The following STAT4 variants were observed in gnomAD, a reference collection of about 807,000 sequenced individuals.
STAT4 encodes signal transducer and activator of transcription 4.
A neutral mutation model predicts 110.5 loss-of-function variants in STAT4; 42 were observed. The ratio of observed to expected loss-of-function variants is 0.38; its 90% CI spans 0.30 to 0.49. The LOEUF (loss-of-function observed/expected upper bound fraction) is 0.49. Among genes scored for constraint, STAT4 ranks in the 20% least tolerant of loss-of-function variants. The probability of loss-of-function intolerance (pLI) is 0.95; values close to 1 mark genes in which losing one functional copy is unlikely to be tolerated. For synonymous variants in STAT4, 284 were observed against 302.2 expected (o/e 0.94, Z 0.63); for missense variants, 632 against 887.9 (o/e 0.71, Z 3.66).
chr2:191,029,638 T>A lies in STAT4; in HGVS notation c.*202A>T, dbSNP rs1695829165. 3.6e-6 allele frequency: 2 copies of A among 559,472 alleles called. No individual in the cohort carries two copies. The highest frequency in any genetic ancestry group is 6.2e-6 in the Non-Finnish European group (2 of 321,930). The allele number at this position is 559,472 out of a possible 1,614,324, so 34.7% of individuals were successfully genotyped here. On this transcript the variant is annotated 3_prime_UTR_variant, in exon 24 of 24. Coordinates refer to ENST00000392320, the MANE Select transcript of STAT4 (RefSeq NM_003151.4). This position sits in a 1 kb window ranked among gnomAD's most constrained non-coding sequence, Gnocchi z 4.5. ...AGTTGTCTTATCTTGCAAGTTTATC[T>A]GAAGCTTTGGTTTCAAGCATTTCAG...
rs1196961290 is a variant in STAT4, at chr2:191,104,671, C to T, written c.274-28346G>A. Among the ~76,000 whole-genome samples the T allele has an allele frequency of 6.6e-6, 1 of 152,132 alleles. No homozygotes were observed. Among genetic ancestry groups the T allele is most frequent in the African/African-American group, 2.4e-5 (1 of 41,438 alleles). On this transcript the variant is annotated intron_variant, in intron 3 of 23. Transcript: ENST00000392320. The surrounding 1 kb of genome is among the most constrained non-coding windows in gnomAD (Gnocchi z 4.3). ...TCATTTTATAAAACATAAAACACTCCTCCCCATATGATTTGAAAGGATATA... is the reference window on the plus strand; with the variant it reads ...TCATTTTATAAAACATAAAACACTCTTCCCCATATGATTTGAAAGGATATA...
intron 15 of STAT4, among the ~76,000 whole-genome samples, chr2:191,040,479 A>C (rs2125162997): frequency 6.6e-6 from 1 of 152,350 alleles, no homozygotes; most frequent in East Asian, 1.9e-4. Flanking sequence ...CCCAGAAAAC[A>C]AACAAACAAG....
intron 5 of STAT4, 141 bp downstream of exon 5, chr2:191,072,957 T>C: frequency 1.8e-6 from 1 of 552,728 alleles, no homozygotes; most frequent in East Asian, 2.9e-5. Context: ...TATATAAACA[T>C]AGTATGTGAG....
intron 3 of STAT4, among the ~76,000 whole-genome samples, chr2:191,108,391 G>A (rs1698339543): frequency 1.3e-5 from 2 of 151,786 alleles, no homozygotes; most frequent in Admixed American, 6.6e-5. Flanking sequence ...CTATAAACTC[G>A]ATAGTGACAG....
chr2:191,108,670 C>T (rs1041293863), intron 3 of STAT4, among the ~76,000 whole-genome samples: 2 of 152,186 alleles, frequency 1.3e-5, no homozygotes, highest in African/African-American at 4.8e-5. Flanking sequence ...TTTTGGTCAA[C>T]ATCAGCAAAA....
At chr2:191,149,454 T>C (rs934555825) in intron 1 of STAT4, among the ~76,000 whole-genome samples, 4 of 152,218 alleles carry the variant, frequency 2.6e-5, no homozygotes, top group Non-Finnish European at 5.9e-5. Flanking sequence ...ACCTTTACAC[T>C]TTACAATTCT....
At chr2:191,072,618 T>C (rs1345335025) in intron 5 of STAT4, among the ~76,000 whole-genome samples, 1 of 152,200 alleles carries the variant, frequency 6.6e-6, no homozygotes, top group Non-Finnish European at 1.5e-5. Flanking sequence ...CTATTTTATA[T>C]ACAACATGGC....
Position 191,107,227 on chromosome 2 carries a change from AG to A in STAT4, c.274-30903del, listed in dbSNP as rs1698307014. ...GTATGATAGTAGTCATTTTATCCCC[AG>A]GGTCAAACCTAGCATGCTGACCTCA... On this transcript the variant is annotated intron_variant, in intron 3 of 23. Coordinates refer to ENST00000392320, the MANE Select transcript of STAT4 (RefSeq NM_003151.4). This position sits in a 1 kb window ranked among gnomAD's most constrained non-coding sequence, Gnocchi z 4.2. 6.6e-6 allele frequency among the ~76,000 whole-genome samples: 1 copy of A among 152,214 alleles called. No homozygotes were observed. Among genetic ancestry groups the A allele is most frequent in the Admixed American group, 6.5e-5 (1 of 15,286 alleles).
At position 191,086,597 on chromosome 2, in the gene STAT4, A is replaced by G. The variant is rs759475775; in HGVS notation, c.274-10272T>C. On this transcript the variant is annotated intron_variant, in intron 3 of 23. Coordinates refer to ENST00000392320, the MANE Select transcript of STAT4 (RefSeq NM_003151.4). The surrounding 1 kb of genome is among the most constrained non-coding windows in gnomAD (Gnocchi z 5.5). ...AAATTGGGGGATTGGAAAGAGAAAAATTATGTTCCAAAAGAAACTGTAGTA... is the reference window on the plus strand; with the variant it reads ...AAATTGGGGGATTGGAAAGAGAAAAGTTATGTTCCAAAAGAAACTGTAGTA... 1.4e-4 allele frequency among the ~76,000 whole-genome samples: 22 copies of G among 152,166 alleles called. No individual in the cohort carries two copies. The highest frequency in any genetic ancestry group is 4.6e-4 in the Admixed American group (7 of 15,276).
chr2:191,086,517 A>C lies in STAT4; in HGVS notation c.274-10192T>G, dbSNP rs527918001. Among the ~76,000 whole-genome samples, 1 of 152,352 alleles carries C rather than the reference A, an allele frequency of 6.6e-6. No individual in the cohort carries two copies. Among genetic ancestry groups the C allele is most frequent in the African/African-American group, 2.4e-5 (1 of 41,582 alleles). On this transcript the variant is annotated intron_variant, in intron 3 of 23. Coordinates refer to ENST00000392320, the MANE Select transcript of STAT4 (RefSeq NM_003151.4). The surrounding 1 kb of genome is among the most constrained non-coding windows in gnomAD (Gnocchi z 5.5). Reference sequence around the variant, plus strand: ...ACAAATAATCAGACCAAGTATAATTAAACTAAAACTTACTGTGCAAATAAA... The same window carrying C: ...ACAAATAATCAGACCAAGTATAATTCAACTAAAACTTACTGTGCAAATAAA...
rs1486715940 is a variant in STAT4, at chr2:191,059,545, C to T, written c.1035-776G>A. On this transcript the variant is annotated intron_variant, in intron 10 of 23. Coordinates refer to ENST00000392320, the MANE Select transcript of STAT4 (RefSeq NM_003151.4). This position sits in a 1 kb window ranked among gnomAD's most constrained non-coding sequence, Gnocchi z 4.7. The stretch of plus-strand genomic sequence containing the variant: ...TCATTCACTCAGCATGCACTGAGCT[C>T]CTCATATTTATGCAGTACACCCTTA... Among the ~76,000 whole-genome samples the T allele has an allele frequency of 6.6e-6, 1 of 152,178 alleles. No homozygotes were observed. The highest frequency in any genetic ancestry group is 2.4e-5 in the African/African-American group (1 of 41,426).
chr2:191,130,635 C>T (rs6712821), intron 3 of STAT4, among the ~76,000 whole-genome samples: 91,192 of 151,306 alleles, frequency 0.6, 28,775 homozygotes, highest in South Asian at 0.78. Flanking sequence ...GCTGGGGACC[C>T]GTATTTCTAA....
rs1396202134 is a variant in STAT4 at position 191,099,840 on chromosome 2, T to A, written c.274-23515A>T. On this transcript the variant is annotated intron_variant, in intron 3 of 23. Transcript: ENST00000392320. This position sits in a 1 kb window ranked among gnomAD's most constrained non-coding sequence, Gnocchi z 4.1. ...TTAAAAAGCTACATGTATATTATGA[T>A]CTACTTTATGGAAAATTACATGAGT... 1.3e-5 allele frequency among the ~76,000 whole-genome samples: 2 copies of A among 152,176 alleles called. No individual in the cohort carries two copies. Among genetic ancestry groups the A allele is most frequent in the African/African-American group, 2.4e-5 (1 of 41,462 alleles).
chr2:191,092,166 G>A (rs1042918692), intron 3 of STAT4, among the ~76,000 whole-genome samples: 1 of 152,172 alleles, frequency 6.6e-6, no homozygotes, highest in African/African-American at 2.4e-5. Context: ...AGCACTTTGG[G>A]AGGTTGAGGG....
chr2:191,080,342 T>A (rs1697427114), intron 3 of STAT4, among the ~76,000 whole-genome samples: 1 of 152,178 alleles, frequency 6.6e-6, no homozygotes, highest in Non-Finnish European at 1.5e-5. Flanking sequence ...AATGTCTTCC[T>A]AAAACTACTT....
chr2:191,128,915 C>T (rs1441126309), intron 3 of STAT4, among the ~76,000 whole-genome samples: 1 of 152,138 alleles, frequency 6.6e-6, no homozygotes, highest in Non-Finnish European at 1.5e-5. Context: ...GAGGAATAGC[C>T]ATAGAAGTTC....
intron 14 of STAT4, among the ~76,000 whole-genome samples, chr2:191,049,641 C>T (rs1234319002): frequency 1.3e-5 from 2 of 152,204 alleles, no homozygotes; most frequent in East Asian, 3.9e-4. Flanking sequence ...ATTAAAATAA[C>T]CCTTTCATTT....
intron 1 of STAT4, among the ~76,000 whole-genome samples, chr2:191,149,291 T>C (rs1699533982): frequency 1.3e-5 from 2 of 152,164 alleles, no homozygotes; most frequent in South Asian, 4.1e-4. Context: ...ATTCTTTGGG[T>C]TTTAAGTAGA....
At chr2:191,054,613 C>A in intron 13 of STAT4, 79 bp from the exon 14 acceptor site, 2 of 1,311,126 alleles carry the variant, frequency 1.5e-6, no homozygotes, top group South Asian at 2.6e-5. Flanking sequence ...CTGTTGCGGT[C>A]ATTTTCTTGG....
Sources: gnomAD v4.1 joint callset for allele counts (sites outside exome capture counted in the v4.1 genomes callset) on GRCh38, gnomAD v4.1.1 for gene constraint, Gnocchi (gnomAD v3.1) non-coding constraint, MANE v1.5 for transcripts, NCBI Gene and HGNC (gene_info 2026-07-23, HGNC 2026-07-21) for gene names.